DCTN5: variants seen among roughly 807,000 people sequenced by gnomAD.
DCTN5 encodes the protein dynactin subunit 5.
DCTN5 carries 14 observed loss-of-function variants against 23.5 expected under a neutral mutation model. The observed-to-expected ratio is 0.60, with a 90% CI of 0.39 to 0.93. The LOEUF is 0.93. Among genes scored for constraint, DCTN5 ranks in the 40% least tolerant of loss-of-function variants. The pLI is 0.00. For synonymous variants in DCTN5, 67 were observed against 79.6 expected (o/e 0.84, Z 0.84); for missense variants, 156 against 225.9 (o/e 0.69, Z 1.98).
At chr16:23,664,038 T>C (rs1967862897) in intron 4 of DCTN5, among the ~76,000 whole-genome samples, 1 of 152,232 alleles carries the variant, frequency 6.6e-6, no homozygotes. Context: ...GGTGTCCTTT[T>C]ACTCAGTGCC....
rs1967332365 is a variant in DCTN5, at chr16:23,642,976, C to T, written c.70C>T (p.Arg24Cys). The T allele has an allele frequency of 1.9e-6, 3 of 1,614,094 alleles. No individual in the cohort carries two copies. The highest frequency in any genetic ancestry group is 2.5e-6 in the Non-Finnish European group (3 of 1,180,002). The change falls in exon 2 of 6, where the codon CGC becomes TGC. Residue 24 changes from arginine to cysteine, a missense_variant. Arg to Cys is a radical substitution (Grantham distance 180). Coordinates refer to ENST00000300087, the MANE Select transcript of DCTN5 (RefSeq NM_032486.4). Reference protein sequence around the residue: ...IETASGNKVSRQSVLCGSQNI... With the variant: ...IETASGNKVSCQSVLCGSQNI... ...TTAGGCATCTGGGAACAAAGTCAGT[C>T]GCCAGTCAGTGTTGTGTGGAAGCCA...
chr16:23,643,060 G>C (rs768841757), intron 2 of DCTN5, 37 bp downstream of exon 2: 1 of 1,571,340 alleles, frequency 6.4e-7, no homozygotes, highest in Non-Finnish European at 8.8e-7. Flanking sequence ...GCAAACCTTA[G>C]CTTGCGTTCT....
intron 2 of DCTN5, among the ~76,000 whole-genome samples, chr16:23,649,385 C>T (rs1967548771): frequency 6.6e-6 from 1 of 152,134 alleles, no homozygotes; most frequent in Admixed American, 6.6e-5. Context: ...CTATGCTGTG[C>T]AGGATCATTT....
At chr16:23,666,604 A>G (rs912450385) in intron 5 of DCTN5, 2 of 194,744 alleles carry the variant, frequency 1.0e-5, no homozygotes, top group Non-Finnish European at 2.1e-5. Flanking sequence ...GCATATACAG[A>G]GGCACGTCAT....
At chr16:23,652,335 C>T (rs1967620785) in intron 2 of DCTN5, among the ~76,000 whole-genome samples, 2 of 152,172 alleles carry the variant, frequency 1.3e-5, no homozygotes, top group Non-Finnish European at 2.9e-5. Flanking sequence ...GTAGCTATCT[C>T]AAATTCAACA....
intron 2 of DCTN5, among the ~76,000 whole-genome samples, chr16:23,654,583 C>G (rs1967665471): frequency 6.6e-6 from 1 of 152,098 alleles, no homozygotes; most frequent in South Asian, 2.1e-4. Context: ...TGTAACAAAC[C>G]TGCATATGTA....
rs967684848 is a variant in DCTN5, at chr16:23,672,459, G to A, written c.*5315G>A. 2.0e-5 allele frequency: 3 copies of A among 152,172 alleles called. No individual in the cohort carries two copies. Among genetic ancestry groups the A allele is most frequent in the Non-Finnish European group, 2.9e-5 (2 of 68,038 alleles). The allele number at this position is 152,172 out of a possible 1,614,324, so 9.4% of individuals were successfully genotyped here. ...GATGGAGGAGCTAGCATTTGAACCCGGAGTTTTTAGTCTATTGAGTTTAAC... is the reference window on the plus strand; with the variant it reads ...GATGGAGGAGCTAGCATTTGAACCCAGAGTTTTTAGTCTATTGAGTTTAAC... On this transcript the variant is annotated 3_prime_UTR_variant, in exon 6 of 6. Transcript: ENST00000300087.
Position 23,667,069 on chromosome 16 carries a change from G to C in DCTN5, c.474G>C (p.Pro158=), listed in dbSNP as rs767448170. Reference sequence around the variant, plus strand: ...CAGGACTCTTCTCAGGGGAGCTCCCGGAGTGCACTCAGGAGCTGATGATTG... The same window carrying C: ...CAGGACTCTTCTCAGGGGAGCTCCCCGAGTGCACTCAGGAGCTGATGATTG... The part of the protein sequence containing the change: ...GCPGLFSGEL[P]ECTQELMIDV... The change falls in exon 6 of 6, where the codon CCG becomes CCC. Residue 158 remains proline (P), a synonymous_variant. Transcript: ENST00000300087. The C allele has an allele frequency of 6.2e-7, 1 of 1,613,684 alleles. No homozygotes were observed. Among genetic ancestry groups the C allele is most frequent in the Non-Finnish European group, 8.5e-7 (1 of 1,179,994 alleles).
rs139393165 is a variant in DCTN5 at position 23,658,437 on chromosome 16, G to A, written c.118-70G>A. On this transcript the variant is annotated intron_variant, in intron 2 of 5. Transcript: ENST00000300087. Reference sequence around the variant, plus strand: ...TAACATAACTCAGAATCAGTATCTCGTTATCTACTCTTTTTTTGTTACGTC... The same window carrying A: ...TAACATAACTCAGAATCAGTATCTCATTATCTACTCTTTTTTTGTTACGTC... The A allele has an allele frequency of 1.7e-3, 1,630 of 981,504 alleles. 16 individuals are homozygous for A. The African/African-American group carries it at 0.022, about 13-fold the overall frequency. The allele number at this position is 981,504 out of a possible 1,614,324, so 60.8% of individuals were successfully genotyped here.
rs139449606 is a variant in DCTN5, at chr16:23,644,125, T to C, written c.117+1102T>C. The stretch of plus-strand genomic sequence containing the variant: ...GTAATTGCTGCTCAGACATACTGTT[T>C]CTTTTTTTTCCTTTTTTGTTGAGAC... On this transcript the variant is annotated intron_variant, in intron 2 of 5. Coordinates refer to ENST00000300087, the MANE Select transcript of DCTN5 (RefSeq NM_032486.4). Among the ~76,000 whole-genome samples, 1,354 of 151,916 alleles carry C rather than the reference T, an allele frequency of 8.9e-3. 15 individuals carry two copies. Among genetic ancestry groups the C allele is most frequent in the African/African-American group, 0.031 (1,283 of 41,494 alleles).
At chr16:23,645,801 G>A (rs1228064897) in intron 2 of DCTN5, among the ~76,000 whole-genome samples, 1 of 152,112 alleles carries the variant, frequency 6.6e-6, no homozygotes, top group Non-Finnish European at 1.5e-5. Context: ...CACTTGGATT[G>A]TTTCTACCCT....
At position 23,641,467 on chromosome 16, in the gene DCTN5, G is replaced by C. The variant is rs1597106799; in HGVS notation, c.-76G>C. ...TGGAGCGGAAGTGGAGGAGCGGCCG[G>C]AAGTAGCCGGAATCTCTGAAAGACT... On this transcript the variant is annotated 5_prime_UTR_variant, in exon 1 of 6. Coordinates refer to ENST00000300087, the MANE Select transcript of DCTN5 (RefSeq NM_032486.4). 4 of 1,573,082 alleles carry C rather than the reference G, an allele frequency of 2.5e-6. No homozygotes were observed. In the East Asian group the frequency reaches 9.0e-5, roughly 35 times the overall value.
intron 2 of DCTN5, among the ~76,000 whole-genome samples, chr16:23,644,034 A>G (rs867917937): frequency 4.6e-5 from 7 of 152,144 alleles, no homozygotes; most frequent in Admixed American, 3.3e-4. Context: ...TATTTTCAGT[A>G]GAAGATAATT....
chr16:23,667,318 A>G lies in DCTN5; in HGVS notation c.*174A>G. ...CAAGGCTCTAAGTGCTTAAGAATTCACTAACAGACAGACCATCTGGAGGAG... is the reference window on the plus strand; with the variant it reads ...CAAGGCTCTAAGTGCTTAAGAATTCGCTAACAGACAGACCATCTGGAGGAG... On this transcript the variant is annotated 3_prime_UTR_variant, in exon 6 of 6. Coordinates refer to ENST00000300087, the MANE Select transcript of DCTN5 (RefSeq NM_032486.4). 1 of 721,560 alleles carries G rather than the reference A, an allele frequency of 1.4e-6. No homozygotes were observed. Among genetic ancestry groups the G allele is most frequent in the African/African-American group, 1.8e-5 (1 of 56,292 alleles). 44.7% of individuals were successfully genotyped at this position (721,560 alleles called of 1,614,324 possible).
chr16:23,655,485 TC>T (rs1309596392), intron 2 of DCTN5, among the ~76,000 whole-genome samples: 3 of 152,060 alleles, frequency 2.0e-5, no homozygotes, highest in African/African-American at 7.2e-5. Flanking sequence ...TAGTGATCCT[TC>T]CGCCTCAGCC....
rs1294578647 is a variant in DCTN5, at chr16:23,669,362, TGAGTTGGCTTTATTCTTG to T, written c.*2220_*2237del. ...TTTGGCTCTCAGCTCTGCTTTCATT[TGAGTTGGCTTTATTCTTG>T]GGCTTCACAGTGTGGCCCCACAGCA... On this transcript the variant is annotated 3_prime_UTR_variant, in exon 6 of 6. Transcript: ENST00000300087. 2.0e-5 allele frequency: 3 copies of T among 152,388 alleles called. No homozygotes were observed. The highest frequency in any genetic ancestry group is 2.0e-4 in the Admixed American group (3 of 15,306). 9.4% of individuals were successfully genotyped at this position (152,388 alleles called of 1,614,324 possible). A position where few individuals can be genotyped will look rare whatever the true frequency, so the allele number is the denominator to read the frequency against.
chr16:23,653,581 C>T (rs1164704161), intron 2 of DCTN5, among the ~76,000 whole-genome samples: 1 of 152,146 alleles, frequency 6.6e-6, no homozygotes, highest in Non-Finnish European at 1.5e-5. Flanking sequence ...AAATATAAAA[C>T]CCAAAACTGT....
chr16:23,672,367 C>T lies in DCTN5; in HGVS notation c.*5223C>T, dbSNP rs1353385052. The T allele has an allele frequency of 6.6e-6, 1 of 152,110 alleles. No homozygotes were observed. The highest frequency in any genetic ancestry group is 1.5e-5 in the Non-Finnish European group (1 of 68,024). The allele number at this position is 152,110 out of a possible 1,614,324, so 9.4% of individuals were successfully genotyped here. A position where few individuals can be genotyped will look rare whatever the true frequency, so the allele number is the denominator to read the frequency against. On this transcript the variant is annotated 3_prime_UTR_variant, in exon 6 of 6. Coordinates refer to ENST00000300087, the MANE Select transcript of DCTN5 (RefSeq NM_032486.4). Reference sequence around the variant, plus strand: ...TGGGCACTATAATGGGCACTTTATCCCATTTTATAAACATGGAAATTGAGG... The same window carrying T: ...TGGGCACTATAATGGGCACTTTATCTCATTTTATAAACATGGAAATTGAGG...
At position 23,646,357 on chromosome 16, in the gene DCTN5, A is replaced by C. The variant is rs575579289; in HGVS notation, c.117+3334A>C. 9.2e-5 allele frequency among the ~76,000 whole-genome samples: 14 copies of C among 152,182 alleles called. No individual in the cohort carries two copies. The South Asian group carries it at 2.5e-3, about 27-fold the overall frequency. The stretch of plus-strand genomic sequence containing the variant: ...ACACTTATCAGATATATGATTTGCA[A>C]ATGCTTTCTTCCTTTCTGTAGATTT... On this transcript the variant is annotated intron_variant, in intron 2 of 5. Transcript: ENST00000300087.
Sources: allele counts gnomAD v4.1 joint callset (sites outside exome capture counted in the v4.1 genomes callset), GRCh38; gene constraint gnomAD v4.1.1; transcripts MANE v1.5; gene names NCBI Gene and HGNC (gene_info 2026-07-23, HGNC 2026-07-21).